ARHGEF4: variants seen among roughly 807,000 people sequenced by gnomAD.
ARHGEF4 encodes the protein Rho guanine nucleotide exchange factor 4.
ARHGEF4 carries 119 observed loss-of-function variants against 162.0 expected under a neutral mutation model. That is an observed-to-expected ratio of 0.73 (90% confidence interval 0.63 to 0.86). The LOEUF (loss-of-function observed/expected upper bound fraction) is 0.86, where lower values mean the gene tolerates loss of function less well. Among genes scored for constraint, ARHGEF4 ranks in the 40% least tolerant of loss-of-function variants. The pLI, the probability that ARHGEF4 is intolerant of heterozygous loss-of-function variation, is 0.00. For missense variants in ARHGEF4, 2,488 were observed against 2,456.0 expected (o/e 1.01, Z -0.28); for synonymous variants, 1,014 against 979.9 (o/e 1.03, Z -0.65).
chr2:130,876,168 G>A (rs948096208), intron 1 of ARHGEF4, among the ~76,000 whole-genome samples: 1 of 152,132 alleles, frequency 6.6e-6, no homozygotes, highest in Admixed American at 6.5e-5. Context: ...ACCCTGGATT[G>A]CCATGGCTTG....
At chr2:131,014,698 C>G (rs117497553) in intron 4 of ARHGEF4, among the ~76,000 whole-genome samples, 1 of 152,168 alleles carries the variant, frequency 6.6e-6, no homozygotes, top group Non-Finnish European at 1.5e-5. Context: ...GCCACACTTT[C>G]TTCTCTGGCA....
intron 2 of ARHGEF4, among the ~76,000 whole-genome samples, chr2:130,921,724 C>G (rs573747564): frequency 9.2e-5 from 14 of 152,228 alleles, no homozygotes; most frequent in Middle Eastern, 3.4e-3. Context: ...CCAAGTCCCC[C>G]TCTGTCACCC....
Position 131,046,118 on chromosome 2 carries a change from C to T in ARHGEF4, c.5560C>T (p.Leu1854=). ...SNRPQQQVLV[L]AEPRRKPSTF... ...CCGGCCCCAGCAGCAGGTCCTGGTG[C>T]TGGCGGAGCCCAGGCGCAAGCCATC... The change falls in exon 14 of 14, where the codon CTG becomes TTG. Residue 1854 remains leucine (L), a synonymous_variant. Transcript: ENST00000409359. 2.5e-6 allele frequency: 4 copies of T among 1,612,976 alleles called. No homozygotes were observed. The highest frequency in any genetic ancestry group is 2.2e-5 in the East Asian group (1 of 44,878).
chr2:130,983,640 TTTA>T (rs1446980405), intron 4 of ARHGEF4, among the ~76,000 whole-genome samples: 1 of 151,860 alleles, frequency 6.6e-6, no homozygotes, highest in African/African-American at 2.4e-5. Context: ...TTATTTTTAT[TTTA>T]TTTTATTTAT....
At chr2:131,014,731 G>T (rs2105339735) in intron 4 of ARHGEF4, among the ~76,000 whole-genome samples, 1 of 152,328 alleles carries the variant, frequency 6.6e-6, no homozygotes, top group African/African-American at 2.4e-5. Context: ...TGGTCTCCCT[G>T]AGGTGGGGAT....
At chr2:130,931,604 C>G (rs1682637825) in intron 3 of ARHGEF4, among the ~76,000 whole-genome samples, 1 of 152,234 alleles carries the variant, frequency 6.6e-6, no homozygotes, top group African/African-American at 2.4e-5. Context: ...TTAGACACTG[C>G]CCTAGCATTG....
At chr2:130,951,305 T>G (rs1277510397) in intron 4 of ARHGEF4, among the ~76,000 whole-genome samples, 1 of 152,260 alleles carries the variant, frequency 6.6e-6, no homozygotes, top group African/African-American at 2.4e-5. Flanking sequence ...ATCTTGGCTT[T>G]GACATGCCTT....
At chr2:130,931,430 G>T (rs1028075274) in intron 3 of ARHGEF4, among the ~76,000 whole-genome samples, 173 bp downstream of exon 3, 22 of 152,116 alleles carry the variant, frequency 1.4e-4, no homozygotes, top group African/African-American at 5.3e-4. Context: ...GCAGTCGAGG[G>T]CCTGCAAGAG....
chr2:130,926,699 A>G (rs1338827369), intron 2 of ARHGEF4, among the ~76,000 whole-genome samples: 1 of 151,530 alleles, frequency 6.6e-6, no homozygotes, highest in Non-Finnish European at 1.5e-5. Context: ...ACAAGCTTGC[A>G]CCGATAGCTT....
In ARHGEF4 at chr2:130,916,454, TCCGCCCGCTGCGG is replaced by T. The variant is rs1435955928; in HGVS notation, c.2512_2524del (p.Pro838ValfsTer82). 4 of 1,541,476 alleles carry T rather than the reference TCCGCCCGCTGCGG, an allele frequency of 2.6e-6. No individual in the cohort carries two copies. Among genetic ancestry groups the T allele is most frequent in the Non-Finnish European group, 3.5e-6 (4 of 1,145,660 alleles). On this transcript the variant is annotated frameshift_variant, in exon 2 of 14. Coordinates refer to ENST00000409359, the MANE Select transcript of ARHGEF4 (RefSeq NM_001367493.1). LOFTEE classifies it high-confidence loss of function. ...GCCCCGAGGGGCTCCCCAGGGAGAATCCGCCCGCTGCGGCCGGTCGGGACGCACCGCCTCTGCA... is the reference window on the plus strand; with the variant it reads ...GCCCCGAGGGGCTCCCCAGGGAGAATCCGGTCGGGACGCACCGCCTCTGCA...
chr2:130,850,737 A>C (rs1043749939), intron 1 of ARHGEF4, among the ~76,000 whole-genome samples: 2 of 152,214 alleles, frequency 1.3e-5, no homozygotes, highest in African/African-American at 4.8e-5. Flanking sequence ...CTCGGTAGAC[A>C]GGGGACTGAG....
In ARHGEF4 at chr2:131,028,061, G is replaced by T. The variant is rs1689597775; in HGVS notation, c.4102G>T (p.Gly1368Trp). ...SHHYSHPGGG[G>W]EQLAINELIS... Reference sequence around the variant, plus strand: ...CCACTACAGCCACCCTGGAGGGGGTGGGGAGCAGCTGGCTATCAATGAGGT... The same window carrying T: ...CCACTACAGCCACCCTGGAGGGGGTTGGGAGCAGCTGGCTATCAATGAGGT... The change falls in exon 5 of 14, where the codon GGG (glycine) becomes TGG (tryptophan). Residue 1368 changes from glycine to tryptophan, a missense_variant. This residue lies in a region of ARHGEF4 where 1,642 missense variants were observed against 1,481.5 expected (regional missense o/e 1.11). Coordinates refer to ENST00000409359, the MANE Select transcript of ARHGEF4 (RefSeq NM_001367493.1). 1 of 1,614,006 alleles carries T rather than the reference G, an allele frequency of 6.2e-7. No homozygotes were observed.
chr2:131,018,738 T>C (rs6710500), intron 4 of ARHGEF4, among the ~76,000 whole-genome samples: 4,424 of 152,322 alleles, frequency 0.029, 228 homozygotes, highest in African/African-American at 0.099. Flanking sequence ...CTTTTATATT[T>C]AGGACTTTGT....
chr2:131,021,637 A>G (rs1202120252), intron 4 of ARHGEF4, among the ~76,000 whole-genome samples: 1 of 152,220 alleles, frequency 6.6e-6, no homozygotes, highest in Non-Finnish European at 1.5e-5. Context: ...AATGGGATCT[A>G]ATTAAACTAA....
At chr2:130,838,604 T>TC (rs1347662050) in intron 1 of ARHGEF4, among the ~76,000 whole-genome samples, 1 of 150,144 alleles carries the variant, frequency 6.7e-6, no homozygotes, top group Non-Finnish European at 1.5e-5. Context: ...AGACTCCGTC[T>TC]CAAAAAAAAG....
intron 4 of ARHGEF4, among the ~76,000 whole-genome samples, chr2:130,993,885 G>A (rs1192674981): frequency 2.6e-5 from 4 of 152,142 alleles, no homozygotes; most frequent in Non-Finnish European, 4.4e-5. Flanking sequence ...CCAGGTTCAA[G>A]CAATTCTCCT....
chr2:130,853,254 G>A (rs1192997666), intron 1 of ARHGEF4, among the ~76,000 whole-genome samples: 1 of 152,172 alleles, frequency 6.6e-6, no homozygotes, highest in Non-Finnish European at 1.5e-5. Context: ...GATCCTGATG[G>A]TAGAAAATTC....
intron 5 of ARHGEF4, among the ~76,000 whole-genome samples, chr2:131,032,134 G>A (rs557174013): frequency 2.0e-5 from 3 of 152,028 alleles, no homozygotes; most frequent in South Asian, 2.1e-4. Context: ...AGCCCAGCTC[G>A]TCTTCCAGCC....
chr2:130,940,260 C>A (rs984478446), intron 3 of ARHGEF4, among the ~76,000 whole-genome samples: 20 of 152,080 alleles, frequency 1.3e-4, no homozygotes, highest in African/African-American at 4.6e-4. Flanking sequence ...GTGGGTAATT[C>A]TGTGTAGATG....
Sources: allele counts gnomAD v4.1 joint callset (sites outside exome capture counted in the v4.1 genomes callset), GRCh38; gene constraint gnomAD v4.1.1; regional missense constraint gnomAD v4.1.1; transcripts MANE v1.5; gene names NCBI Gene and HGNC (gene_info 2026-07-23, HGNC 2026-07-21).